NRF1: variants seen among roughly 807,000 people sequenced by gnomAD.
NRF1 encodes alpha palindromic-binding protein.
In NRF1, 5 loss-of-function variants were observed where a neutral mutation model predicts 58.5. The observed-to-expected ratio is 0.09, with a 90% CI of 0.04 to 0.18. NRF1 has a LOEUF of 0.18. Among genes scored for constraint, NRF1 ranks in the 10% least tolerant of loss-of-function variants. NRF1 has a pLI of 1.00. For missense variants in NRF1, 288 were observed against 657.7 expected, an observed-to-expected ratio of 0.44 and a Z score of 6.15; for synonymous variants, 224 against 246.7, an observed-to-expected ratio of 0.91 and a Z score of 0.86.
chr7:129,645,181 A>G (rs1801377810), intron 1 of NRF1, among the ~76,000 whole-genome samples: 2 of 152,170 alleles, frequency 1.3e-5, no homozygotes, highest in Admixed American at 6.5e-5. Flanking sequence ...CCTTTTTCAA[A>G]TAGTAATTCA....
At chr7:129,671,020 A>C (rs1374985265) in intron 2 of NRF1, among the ~76,000 whole-genome samples, 3 of 152,216 alleles carry the variant, frequency 2.0e-5, no homozygotes, top group Non-Finnish European at 4.4e-5. Flanking sequence ...ACAGGGGTAC[A>C]GGGATAGAAG....
chr7:129,733,696 T>G (rs551629842), intron 10 of NRF1, among the ~76,000 whole-genome samples: 1 of 152,306 alleles, frequency 6.6e-6, no homozygotes, highest in East Asian at 1.9e-4. Context: ...TTTATATTCT[T>G]TTGATTTTTT....
intron 4 of NRF1, among the ~76,000 whole-genome samples, chr7:129,686,535 C>T (rs1164641943): frequency 2.6e-5 from 4 of 152,180 alleles, no homozygotes; most frequent in Admixed American, 6.5e-5. Flanking sequence ...GAGAAAGTTA[C>T]TTAAGTTTAT....
At chr7:129,619,295 T>C (rs1454629220) in intron 1 of NRF1, among the ~76,000 whole-genome samples, 2 of 148,618 alleles carry the variant, frequency 1.3e-5, no homozygotes, top group Non-Finnish European at 3.0e-5. Flanking sequence ...GGAGGATCGC[T>C]TGAACCCAGC....
chr7:129,616,279 T>G (rs1294036903), intron 1 of NRF1, among the ~76,000 whole-genome samples: 1 of 152,188 alleles, frequency 6.6e-6, no homozygotes, highest in African/African-American at 2.4e-5. Flanking sequence ...TACAGAGATG[T>G]TCTAGTATAT....
chr7:129,694,824 G>C (rs1424846260), intron 5 of NRF1, among the ~76,000 whole-genome samples: 3 of 152,208 alleles, frequency 2.0e-5, no homozygotes, highest in Admixed American at 6.5e-5. Flanking sequence ...ACTTTCTCTA[G>C]ATGGCAGGTT....
intron 4 of NRF1, among the ~76,000 whole-genome samples, chr7:129,679,205 G>A (rs1802249358): frequency 1.3e-5 from 2 of 152,122 alleles, no homozygotes; most frequent in South Asian, 4.1e-4. Context: ...CTTGTTAAAG[G>A]CATAGATGTT....
chr7:129,634,228 C>T (rs1188620398), intron 1 of NRF1, among the ~76,000 whole-genome samples: 1 of 151,992 alleles, frequency 6.6e-6, no homozygotes, highest in Non-Finnish European at 1.5e-5. Flanking sequence ...CCAATATTAA[C>T]AGAAGTCCAT....
intron 1 of NRF1, among the ~76,000 whole-genome samples, chr7:129,646,568 T>G (rs6969441): frequency 0.45 from 67,958 of 152,004 alleles, 17,258 homozygotes; most frequent in African/African-American, 0.69. Context: ...TCTGATCTCC[T>G]AGTGGAATGC....
intron 1 of NRF1, among the ~76,000 whole-genome samples, chr7:129,642,232 C>T (rs1801307435): frequency 6.6e-6 from 1 of 152,080 alleles, no homozygotes; most frequent in Non-Finnish European, 1.5e-5. Context: ...TATATGCCCG[C>T]CTCAGCCTCC....
chr7:129,670,576 G>A (rs1225709943), intron 2 of NRF1, among the ~76,000 whole-genome samples: 4 of 152,216 alleles, frequency 2.6e-5, no homozygotes, highest in Admixed American at 6.5e-5. Flanking sequence ...ATACAGATGA[G>A]CAATTTAATT....
intron 9 of NRF1, among the ~76,000 whole-genome samples, chr7:129,719,407 C>T (rs973833072): frequency 2.0e-5 from 3 of 152,082 alleles, no homozygotes; most frequent in African/African-American, 4.8e-5. Flanking sequence ...GCTGGGATTA[C>T]AGGCGTAAGC....
chr7:129,709,260 TG>T, intron 6 of NRF1, 27 bp downstream of exon 6: 1 of 1,414,710 alleles, frequency 7.1e-7, no homozygotes, highest in Non-Finnish European at 9.3e-7. Context: ...CTGAGTTGCC[TG>T]GTTGCTTTTC....
intron 1 of NRF1, among the ~76,000 whole-genome samples, chr7:129,624,334 A>G (rs932304646): frequency 1.3e-4 from 20 of 152,120 alleles, no homozygotes; most frequent in Non-Finnish European, 1.3e-4. Context: ...AAGCTTCGTG[A>G]GAGTAGATAC....
intron 5 of NRF1, among the ~76,000 whole-genome samples, chr7:129,697,193 C>CTT (rs35408273): frequency 4.7e-5 from 7 of 150,476 alleles, no homozygotes; most frequent in South Asian, 2.1e-4. Flanking sequence ...ACACAGGTGG[C>CTT]TTTTTTTTTC....
intron 1 of NRF1, among the ~76,000 whole-genome samples, chr7:129,637,069 A>C (rs977454312): frequency 6.6e-6 from 1 of 152,100 alleles, no homozygotes; most frequent in Non-Finnish European, 1.5e-5. Flanking sequence ...CAGTTTCCCA[A>C]CTGTACAGTG....
intron 10 of NRF1, among the ~76,000 whole-genome samples, chr7:129,734,292 A>G (rs1367078493): frequency 6.6e-6 from 1 of 152,214 alleles, no homozygotes; most frequent in Non-Finnish European, 1.5e-5. Context: ...AGACACAGAA[A>G]GTTTCAGTAA....
At chr7:129,682,472 A>C (rs568331710) in intron 4 of NRF1, among the ~76,000 whole-genome samples, 1 of 151,748 alleles carries the variant, frequency 6.6e-6, no homozygotes, top group East Asian at 1.9e-4. Flanking sequence ...GAAAAAAAAA[A>C]CAAAACAAAA....
chr7:129,738,126 A>G (rs1803762129), intron 10 of NRF1, among the ~76,000 whole-genome samples: 1 of 152,276 alleles, frequency 6.6e-6, no homozygotes, highest in South Asian at 2.1e-4. Context: ...GCGCTGAGGC[A>G]TCGCCTGTTC....
Sources: gnomAD v4.1 joint callset for allele counts (sites outside exome capture counted in the v4.1 genomes callset) on GRCh38, gnomAD v4.1.1 for gene constraint, MANE v1.5 for transcripts, NCBI Gene and HGNC (gene_info 2026-07-23, HGNC 2026-07-21) for gene names.